Variants in TDRD3 observed in about 807,000 individuals in gnomAD.
The protein encoded by TDRD3 is tudor domain-containing protein 3.
A neutral mutation model predicts 86.7 loss-of-function variants in TDRD3; 45 were observed. The observed-to-expected ratio is 0.52, with a 90% confidence interval of 0.41 to 0.67. The LOEUF (loss-of-function observed/expected upper bound fraction) is 0.67, where lower values mean the gene tolerates loss of function less well. Among genes scored for constraint, TDRD3 ranks in the 30% least tolerant of loss-of-function variants. The probability of loss-of-function intolerance (pLI) is 0.00; values close to 1 mark genes in which losing one functional copy is unlikely to be tolerated. For synonymous variants in TDRD3, 298 were observed against 301.7 expected (o/e 0.99, Z 0.13); for missense variants, 814 against 889.0 (o/e 0.92, Z 1.07).
intron 4 of TDRD3, among the ~76,000 whole-genome samples, chr13:60,465,678 T>C (rs1955904742): frequency 6.6e-6 from 1 of 152,206 alleles, no homozygotes; most frequent in African/African-American, 2.4e-5. Flanking sequence ...CTATTTCTTC[T>C]TAATAATTAT....
intron 13 of TDRD3, 85 bp downstream of exon 13, chr13:60,567,735 T>C: frequency 6.5e-7 from 1 of 1,535,940 alleles, no homozygotes; most frequent in Non-Finnish European, 8.8e-7. Context: ...TGATTTTTTT[T>C]TCTCTGAGAC....
At chr13:60,475,010 T>C (rs1594983618) in intron 5 of TDRD3, among the ~76,000 whole-genome samples, 2 of 152,156 alleles carry the variant, frequency 1.3e-5, no homozygotes, top group East Asian at 1.9e-4. Flanking sequence ...TGGTATACTA[T>C]CTACAGTCTG....
At chr13:60,403,723 T>C (rs1045299793) in intron 1 of TDRD3, among the ~76,000 whole-genome samples, 10 of 152,148 alleles carry the variant, frequency 6.6e-5, no homozygotes, top group African/African-American at 2.4e-4. Context: ...ATATGTACCA[T>C]AGCACTGGAA....
chr13:60,540,242 A>C (rs1364039415), intron 12 of TDRD3, among the ~76,000 whole-genome samples: 1 of 152,178 alleles, frequency 6.6e-6, no homozygotes, highest in Non-Finnish European at 1.5e-5. Context: ...ACAACAGTAA[A>C]TCAGAAGGAA....
intron 12 of TDRD3, among the ~76,000 whole-genome samples, chr13:60,539,726 A>G (rs1957770679): frequency 6.6e-6 from 1 of 151,862 alleles, no homozygotes; most frequent in Non-Finnish European, 1.5e-5. Context: ...AATTCAAATA[A>G]TATTAATAAG....
At chr13:60,428,079 C>A (rs572177337) in intron 1 of TDRD3, among the ~76,000 whole-genome samples, 1 of 152,088 alleles carries the variant, frequency 6.6e-6, no homozygotes, top group Admixed American at 6.6e-5. Flanking sequence ...CATTCCTTGG[C>A]TTGAGGCATC....
chr13:60,426,166 C>A (rs1379769650), intron 1 of TDRD3, among the ~76,000 whole-genome samples: 4 of 152,208 alleles, frequency 2.6e-5, no homozygotes, highest in African/African-American at 9.6e-5. Flanking sequence ...GTGAAAAAAG[C>A]CAGACACAGA....
chr13:60,529,826 G>GA (rs902392428), intron 11 of TDRD3, among the ~76,000 whole-genome samples: 1 of 152,058 alleles, frequency 6.6e-6, no homozygotes, highest in African/African-American at 2.4e-5. Context: ...AAGAAGGAAG[G>GA]AAAGACAGAA....
At chr13:60,421,462 C>T (rs904297554) in intron 1 of TDRD3, among the ~76,000 whole-genome samples, 13 of 152,098 alleles carry the variant, frequency 8.5e-5, no homozygotes, top group South Asian at 2.1e-4. Context: ...AGCTACAATT[C>T]GAGATGAGAT....
At chr13:60,407,989 T>G (rs1184414862) in intron 1 of TDRD3, among the ~76,000 whole-genome samples, 2 of 152,138 alleles carry the variant, frequency 1.3e-5, no homozygotes, top group East Asian at 3.9e-4. Context: ...TTTTCAGGGG[T>G]TTCCGCTTTT....
chr13:60,439,670 T>A lies in TDRD3; in HGVS notation c.42-18T>A, dbSNP rs1298339047. ...TTTGATTTTAGATAATATTAAGCCA[T>A]TTATTTTATTTTAACAGGTATCTTT... On this transcript the variant is annotated intron_variant, in intron 1 of 13. Transcript: ENST00000377881. 2.6e-6 allele frequency: 4 copies of A among 1,518,416 alleles called. No individual in the cohort carries two copies. The East Asian group carries it at 9.9e-5, about 38-fold the overall frequency. 94.1% of individuals were successfully genotyped at this position (1,518,416 alleles called of 1,614,324 possible). A position where few individuals can be genotyped will look rare whatever the true frequency, so the allele number is the denominator to read the frequency against.
intron 3 of TDRD3, among the ~76,000 whole-genome samples, chr13:60,447,265 AAATG>A (rs1253353978): frequency 1.3e-5 from 2 of 152,186 alleles, no homozygotes; most frequent in Non-Finnish European, 2.9e-5. Context: ...GAGAGGCATT[AAATG>A]ATACGGACCA....
intron 1 of TDRD3, among the ~76,000 whole-genome samples, chr13:60,404,905 A>G (rs1022727738): frequency 6.6e-6 from 1 of 152,202 alleles, no homozygotes; most frequent in African/African-American, 2.4e-5. Flanking sequence ...GGTCTTTCCC[A>G]TGCTGTTCTC....
upstream of TDRD3, chr13:60,396,489 G>A (rs1594880421): frequency 6.6e-6 from 1 of 152,430 alleles, no homozygotes; most frequent in South Asian, 2.1e-4. Flanking sequence ...CTACAGCGCG[G>A]GCGAAGGGCA....
At chr13:60,567,198 A>G (rs1230367208) in intron 12 of TDRD3, among the ~76,000 whole-genome samples, 1 of 152,170 alleles carries the variant, frequency 6.6e-6, no homozygotes, top group Non-Finnish European at 1.5e-5. Flanking sequence ...TTTTTACCAC[A>G]TTGTGTCAAG....
intron 12 of TDRD3, among the ~76,000 whole-genome samples, chr13:60,555,810 G>A (rs17793187): frequency 0.12 from 17,857 of 149,468 alleles, 1,373 homozygotes; most frequent in South Asian, 0.26. Context: ...GGTGATAGAA[G>A]TATTTTACAT....
intron 7 of TDRD3, among the ~76,000 whole-genome samples, chr13:60,494,178 A>G (rs574120879): frequency 1.3e-5 from 2 of 152,326 alleles, no homozygotes; most frequent in Non-Finnish European, 2.9e-5. Context: ...CTATAGTTGT[A>G]CACTCATTTT....
intron 1 of TDRD3, among the ~76,000 whole-genome samples, chr13:60,405,653 C>A (rs1954217022): frequency 6.6e-6 from 1 of 152,016 alleles, no homozygotes; most frequent in African/African-American, 2.4e-5. Flanking sequence ...GACAGAGGGA[C>A]AGTGTAGTGA....
intron 8 of TDRD3, among the ~76,000 whole-genome samples, chr13:60,509,196 A>G (rs1382086662): frequency 6.6e-6 from 1 of 152,094 alleles, no homozygotes; most frequent in African/African-American, 2.4e-5. Context: ...TAGATTTTTA[A>G]AAGAGATTTG....
Sources: allele counts gnomAD v4.1 joint callset (sites outside exome capture counted in the v4.1 genomes callset), GRCh38; gene constraint gnomAD v4.1.1; transcripts MANE v1.5; gene names NCBI Gene and HGNC (gene_info 2026-07-23, HGNC 2026-07-21).